The following RPP30 variants were observed in gnomAD, a reference collection of about 807,000 sequenced individuals.
RPP30 encodes the protein ribonuclease P protein subunit p30.
RPP30 carries 36 observed loss-of-function variants against 38.6 expected under a neutral mutation model. The ratio of observed to expected loss-of-function variants is 0.93; its 90% confidence interval spans 0.71 to 1.23. The LOEUF is 1.23. RPP30 is among the 50% of genes most tolerant of loss of function. RPP30 has a pLI of 0.00. For missense variants in RPP30, 321 were observed against 321.7 expected, an observed-to-expected ratio of 1.00 and a Z score of 0.02; for synonymous variants, 126 against 112.7, an observed-to-expected ratio of 1.12 and a Z score of -0.75.
rs1182194652 is a variant in RPP30 at position 90,901,761 on chromosome 10, G to A, written c.*1082G>A. On this transcript the variant is annotated 3_prime_UTR_variant, in exon 11 of 11. Coordinates refer to ENST00000371703, the MANE Select transcript of RPP30 (RefSeq NM_006413.5). ...ATGGAGTAGAGCCAGAGGTATAACTGAATAAGAAATTTTTTTAAGCAAGAG... is the reference window on the plus strand; with the variant it reads ...ATGGAGTAGAGCCAGAGGTATAACTAAATAAGAAATTTTTTTAAGCAAGAG... 1.0e-6 allele frequency: 1 copy of A among 984,700 alleles called. No homozygotes were observed. The highest frequency in any genetic ancestry group is 1.1e-4 in the East Asian group (1 of 8,802). 61.0% of individuals were successfully genotyped at this position (984,700 alleles called of 1,614,324 possible).
intron 4 of RPP30, among the ~76,000 whole-genome samples, chr10:90,878,154 G>A (rs1846875672): frequency 6.6e-6 from 1 of 152,098 alleles, no homozygotes; most frequent in African/African-American, 2.4e-5. Context: ...CTTCACAAGT[G>A]GGAGTGGGCA....
At position 90,894,891 on chromosome 10, in the gene RPP30, G is replaced by T; in HGVS notation, c.549G>T (p.Lys183Asn). The change falls in exon 7 of 11, where the codon AAG (lysine) becomes AAT (asparagine). Residue 183 changes from lysine (K) to asparagine (N), a missense_variant and splice_region_variant. Transcript: ENST00000371703. Reference sequence around the variant, plus strand: ...ATTTGATGCAAATCTGCAAAGGAAAGGTATGGTTCTATAATTTTAGGATGT... The same window carrying T: ...ATTTGATGCAAATCTGCAAAGGAAATGTATGGTTCTATAATTTTAGGATGT... Reference protein sequence around the residue: ...ALNLMQICKGKNVIISSAAER... With the variant: ...ALNLMQICKGNNVIISSAAER... The T allele has an allele frequency of 6.3e-7, 1 of 1,583,060 alleles. No homozygotes were observed. Among genetic ancestry groups the T allele is most frequent in the Non-Finnish European group, 8.7e-7 (1 of 1,152,030 alleles).
At position 90,902,048 on chromosome 10, in the gene RPP30, C is replaced by T. The variant is rs1187958350; in HGVS notation, c.*1369C>T. On this transcript the variant is annotated 3_prime_UTR_variant, in exon 11 of 11. Transcript: ENST00000371703. ...TCCTGACCTCATATTCCACCCGCCT[C>T]GGCCTCCCAAAGTGCTGGGATTACA... is the stretch of plus-strand genomic sequence containing the variant. 2.0e-5 allele frequency: 15 copies of T among 737,118 alleles called. No homozygotes were observed. The highest frequency in any genetic ancestry group is 2.3e-5 in the Non-Finnish European group (14 of 602,638). 45.7% of individuals were successfully genotyped at this position (737,118 alleles called of 1,614,324 possible). A position where few individuals can be genotyped will look rare whatever the true frequency, so the allele number is the denominator to read the frequency against.
chr10:90,899,679 TG>T (rs1847180009), intron 10 of RPP30, among the ~76,000 whole-genome samples: 1 of 152,352 alleles, frequency 6.6e-6, no homozygotes, highest in Non-Finnish European at 1.5e-5. Flanking sequence ...TCCATGCCTT[TG>T]TAAAGGAATA....
chr10:90,885,221 A>G (rs1422756370), intron 5 of RPP30, among the ~76,000 whole-genome samples: 1 of 152,264 alleles, frequency 6.6e-6, no homozygotes, highest in Non-Finnish European at 1.5e-5. Context: ...GAGAAAATGC[A>G]TTCATTATCA....
intron 6 of RPP30, among the ~76,000 whole-genome samples, chr10:90,890,339 A>G (rs1405027987): frequency 5.3e-5 from 8 of 152,140 alleles, no homozygotes; most frequent in Admixed American, 6.5e-5. Flanking sequence ...TTTTTTTACA[A>G]TGTTATTTCC....
At chr10:90,890,537 G>A (rs181866530) in intron 6 of RPP30, among the ~76,000 whole-genome samples, 735 of 152,186 alleles carry the variant, frequency 4.8e-3, no homozygotes, top group Non-Finnish European at 7.7e-3. Context: ...AAACAGTGAG[G>A]TAGTTCCATG....
At chr10:90,886,007 G>A in intron 6 of RPP30, 106 bp downstream of exon 6, 1 of 654,140 alleles carries the variant, frequency 1.5e-6, no homozygotes, top group Non-Finnish European at 2.5e-6. Flanking sequence ...CAAAGGCTAG[G>A]GAATAGGAGG....
intron 10 of RPP30, among the ~76,000 whole-genome samples, chr10:90,900,333 CTG>C (rs368861141): frequency 1.3e-5 from 2 of 152,340 alleles, no homozygotes; most frequent in African/African-American, 4.8e-5. Flanking sequence ...AGAGATAACA[CTG>C]TCCTGCAGTT....
chr10:90,878,569 G>T (rs545996465), intron 4 of RPP30, among the ~76,000 whole-genome samples: 1 of 151,422 alleles, frequency 6.6e-6, no homozygotes, highest in Non-Finnish European at 1.5e-5. Context: ...GCGGCTCACT[G>T]CAGCCTCAAC....
At chr10:90,892,543 G>A (rs552306208) in intron 6 of RPP30, among the ~76,000 whole-genome samples, 2 of 152,044 alleles carry the variant, frequency 1.3e-5, no homozygotes, top group Admixed American at 6.6e-5. Flanking sequence ...ACCCACAAGG[G>A]TCTAGAAATT....
intron 4 of RPP30, among the ~76,000 whole-genome samples, chr10:90,876,713 A>C (rs1846856457): frequency 6.6e-6 from 1 of 152,186 alleles, no homozygotes. Flanking sequence ...TACATGGCAT[A>C]AGGTTAAAGA....
chr10:90,896,134 G>C (rs1295868814), intron 9 of RPP30, among the ~76,000 whole-genome samples, 179 bp from the exon 10 acceptor site: 1 of 152,198 alleles, frequency 6.6e-6, no homozygotes, highest in Non-Finnish European at 1.5e-5. Context: ...GACTTCATAT[G>C]ATAAAAGCTT....
In RPP30 at chr10:90,901,592, G is replaced by A. The variant is rs1847203814; in HGVS notation, c.*913G>A. On this transcript the variant is annotated 3_prime_UTR_variant, in exon 11 of 11. Coordinates refer to ENST00000371703, the MANE Select transcript of RPP30 (RefSeq NM_006413.5). ...CTAAAACGCTAATATTGATTTTCCTGATAGCTGTATTAAAAATAGCAAAGC... is the reference window on the plus strand; with the variant it reads ...CTAAAACGCTAATATTGATTTTCCTAATAGCTGTATTAAAAATAGCAAAGC... 1 of 984,894 alleles carries A rather than the reference G, an allele frequency of 1.0e-6. No individual in the cohort carries two copies. The highest frequency in any genetic ancestry group is 6.2e-5 in the Admixed American group (1 of 16,254). 61.0% of individuals were successfully genotyped at this position (984,894 alleles called of 1,614,324 possible). A position where few individuals can be genotyped will look rare whatever the true frequency, so the allele number is the denominator to read the frequency against.
chr10:90,884,552 C>T (rs1046782743), intron 5 of RPP30, among the ~76,000 whole-genome samples: 14 of 152,148 alleles, frequency 9.2e-5, no homozygotes, highest in African/African-American at 2.9e-4. Flanking sequence ...ACAGCTGTGG[C>T]AGTTGGGATG....
intron 4 of RPP30, 104 bp downstream of exon 4, chr10:90,876,202 C>T: frequency 1.4e-6 from 1 of 692,226 alleles, no homozygotes; most frequent in Non-Finnish European, 2.5e-6. Flanking sequence ...TTTCCCTCGC[C>T]CCCGCCAAAC....
Position 90,876,058 on chromosome 10 carries a change from T to G in RPP30, c.230T>G (p.Leu77Ter). The G allele has an allele frequency of 6.3e-7, 1 of 1,579,614 alleles. No homozygotes were observed. Among genetic ancestry groups the G allele is most frequent in the Non-Finnish European group, 8.7e-7 (1 of 1,148,934 alleles). Residue 77 changes from leucine to a stop codon, truncating the protein, a stop_gained, in exon 4 of 11, where the codon TTA becomes TGA. Transcript: ENST00000371703. LOFTEE classifies it high-confidence loss of function. ...KSRPIKILTR[L>*]TIIVSDPSHC... ...AGACCAATTAAAATTTTAACTAGAT[T>G]AACAATTATTGTCTCGGATCCATCT...
At chr10:90,895,688 T>C (rs888391532) in intron 8 of RPP30, 192 bp from the exon 9 acceptor site, 2 of 513,134 alleles carry the variant, frequency 3.9e-6, no homozygotes, top group East Asian at 3.4e-5. Context: ...GTTTTTCTTT[T>C]ATACTGTTAC....
At chr10:90,895,804 T>C in intron 8 of RPP30, 76 bp from the exon 9 acceptor site, 1 of 1,080,170 alleles carries the variant, frequency 9.3e-7, no homozygotes. Flanking sequence ...ACTTAAATTT[T>C]CTATTAATTT....
Sources: allele counts gnomAD v4.1 joint callset (sites outside exome capture counted in the v4.1 genomes callset), GRCh38; gene constraint gnomAD v4.1.1; transcripts MANE v1.5; gene names NCBI Gene and HGNC (gene_info 2026-07-23, HGNC 2026-07-21).